The following CEP72 variants were observed in gnomAD, a reference collection of about 807,000 sequenced individuals.
The protein encoded by CEP72 is centrosomal protein of 72 kDa.
In CEP72, 78 loss-of-function variants were observed where a neutral mutation model predicts 65.7. The observed-to-expected ratio is 1.19, with a 90% confidence interval of 0.99 to 1.43. The LOEUF (loss-of-function observed/expected upper bound fraction) is 1.43. Ranked by LOEUF, CEP72 falls within the 40% of genes most tolerant of loss-of-function variation. The pLI, the probability that CEP72 is intolerant of heterozygous loss-of-function variation, is 0.00. For synonymous variants in CEP72, 358 were observed against 351.7 expected (o/e 1.02, Z -0.20); for missense variants, 914 against 832.9 (o/e 1.10, Z -1.20).
rs1739215867 is a variant in CEP72, at chr5:653,078, CT to C, written c.1870del (p.Tyr624ThrfsTer66). On this transcript the variant is annotated frameshift_variant, in exon 12 of 12. Transcript: ENST00000264935. LOFTEE classifies it low-confidence loss of function (END_TRUNC). ...RAEVEQMHWS[Y>X]QELKKTMALF... ...CCGAGGTGGAGCAGATGCACTGGAG[CT>C]ACCAGGAGCTCAAGAAGACCATGGC... is the stretch of plus-strand genomic sequence containing the variant. 3 of 1,613,722 alleles carry C rather than the reference CT, an allele frequency of 1.9e-6. No homozygotes were observed. Among genetic ancestry groups the C allele is most frequent in the Non-Finnish European group, 2.5e-6 (3 of 1,180,026 alleles).
At chr5:665,938 C>CCCCCCCCCCCCAA in intron 3 of CEP72, 2 of 1,366,592 alleles carry the variant, frequency 1.5e-6, no homozygotes, top group Non-Finnish European at 1.9e-6. Context: ...CCACCCCCTC[C>CCCCCCCCCCCCAA]AGGCCCCGCC....
At chr5:663,512 C>G (rs1439902947) in exon 2 of CEP72, 2 of 152,452 alleles carry the variant, frequency 1.3e-5, no homozygotes, top group African/African-American at 2.4e-5. Flanking sequence ...GAGACCGCCC[C>G]CCAGCCCTCA....
At chr5:666,167 A>G in intron 4 of CEP72, 2 of 1,550,618 alleles carry the variant, frequency 1.3e-6, no homozygotes, top group Non-Finnish European at 8.7e-7. Context: ...GGGCCGGCCC[A>G]GGGCTGCCCT....
chr5:612,648 C>T (rs1415035943), intron 1 of CEP72: 57 of 982,690 alleles, frequency 5.8e-5, no homozygotes, highest in Non-Finnish European at 6.6e-5. Flanking sequence ...TGCCCGCGTT[C>T]GGGTCCCGGC....
At chr5:649,544 T>TG (rs757437382) in intron 11 of CEP72, among the ~76,000 whole-genome samples, 5 of 53,876 alleles carry the variant, frequency 9.3e-5, no homozygotes, top group Admixed American at 2.2e-4. Flanking sequence ...CTGTGAGGTG[T>TG]GACTGTGAGG....
At chr5:637,892 G>A in intron 7 of CEP72, 74 bp downstream of exon 7, 1 of 1,374,564 alleles carries the variant, frequency 7.3e-7, no homozygotes, top group Non-Finnish European at 9.7e-7. Context: ...GCTTTGGCGG[G>A]GCCGTGATTA....
downstream of CEP72, among the ~76,000 whole-genome samples, chr5:670,849 C>T (rs565020547): frequency 7.9e-5 from 12 of 152,338 alleles, no homozygotes; most frequent in Middle Eastern, 3.4e-3. Flanking sequence ...TCATAAGTGA[C>T]TCCACCAGCA....
chr5:627,112 A>G (rs1005771707), intron 4 of CEP72, among the ~76,000 whole-genome samples: 2 of 152,238 alleles, frequency 1.3e-5, no homozygotes, highest in African/African-American at 4.8e-5. Flanking sequence ...CTGTACAGTG[A>G]GCCCATCTGG....
rs148032648 is a variant in CEP72 at position 636,107 on chromosome 5, G to A, written c.904+523G>A. Among the ~76,000 whole-genome samples, 581 of 152,314 alleles carry A rather than the reference G, an allele frequency of 3.8e-3. 6 individuals are homozygous for A. Among genetic ancestry groups the A allele is most frequent in the African/African-American group, 0.013 (553 of 41,552 alleles). On this transcript the variant is annotated intron_variant, in intron 6 of 11. Coordinates refer to ENST00000264935, the MANE Select transcript of CEP72 (RefSeq NM_018140.4). ...CTTAGGAACTTTGGGGGGTTCCTTC[G>A]AACTACAGCAACATGAAATCCCTGT...
At chr5:658,793 C>G (rs1453022959), downstream of CEP72, among the ~76,000 whole-genome samples, 1 of 151,226 alleles carries the variant, frequency 6.6e-6, no homozygotes, top group East Asian at 2.0e-4. Flanking sequence ...CTCAGCCTCC[C>G]GAGTAGCTGG....
intron 4 of CEP72, among the ~76,000 whole-genome samples, chr5:633,148 C>T (rs58697059): frequency 1.5e-3 from 102 of 67,248 alleles, no homozygotes; most frequent in African/African-American, 2.4e-3. Context: ...GGGGTTCTGT[C>T]CAGTGCCGGG....
chr5:635,266 G>A (rs1039895483), intron 5 of CEP72, 106 bp from the exon 6 acceptor site: 38 of 816,698 alleles, frequency 4.7e-5, no homozygotes, highest in Non-Finnish European at 7.0e-5. Context: ...TTAACCCCTC[G>A]GTCTAACAGA....
At chr5:667,015 G>A (rs1382379757) in exon 5 of CEP72, 2 of 152,230 alleles carry the variant, frequency 1.3e-5, no homozygotes, top group African/African-American at 2.4e-5. Context: ...CAAGCATTCC[G>A]AGGGCACTCC....
At chr5:620,541 C>T (rs1410491419) in intron 3 of CEP72, among the ~76,000 whole-genome samples, 1 of 152,210 alleles carries the variant, frequency 6.6e-6, no homozygotes, top group Non-Finnish European at 1.5e-5. Context: ...TGTTCTGGCT[C>T]TCCGCGTCAT....
intron 1 of CEP72, among the ~76,000 whole-genome samples, chr5:617,847 A>G (rs1440356653): frequency 6.6e-6 from 1 of 152,268 alleles, no homozygotes; most frequent in Non-Finnish European, 1.5e-5. Context: ...CATGGGCAAC[A>G]GAGTAAGACT....
intron 9 of CEP72, 31 bp from the exon 10 acceptor site, chr5:644,268 G>C (rs372885750): frequency 1.9e-6 from 3 of 1,607,398 alleles, no homozygotes; most frequent in Non-Finnish European, 2.6e-6. Context: ...AATTTGACTT[G>C]TGCACTTAAG....
At chr5:668,618 A>G (rs1268157253), downstream of CEP72, among the ~76,000 whole-genome samples, 2 of 152,254 alleles carry the variant, frequency 1.3e-5, no homozygotes, top group East Asian at 1.9e-4. Flanking sequence ...CGGCCGAGCA[A>G]CGCGGCAGAG....
exon 5 of CEP72, chr5:667,126 C>T (rs1017533599): frequency 1.3e-5 from 2 of 152,196 alleles, no homozygotes; most frequent in African/African-American, 2.4e-5. Context: ...CTAGAATAGC[C>T]AAAACGATTT....
chr5:642,769 A>AC, intron 9 of CEP72: 1 of 985,400 alleles, frequency 1.0e-6, no homozygotes, highest in Non-Finnish European at 1.2e-6. Flanking sequence ...ACCGTCAGGA[A>AC]CCCCGCGGAG....
Sources: gnomAD v4.1 joint callset for allele counts (sites outside exome capture counted in the v4.1 genomes callset) on GRCh38, gnomAD v4.1.1 for gene constraint, MANE v1.5 for transcripts, NCBI Gene and HGNC (gene_info 2026-07-23, HGNC 2026-07-21) for gene names.